GALNT9: variants seen among roughly 807,000 people sequenced by gnomAD.
GALNT9 encodes the protein polypeptide N-acetylgalactosaminyltransferase 9.
A neutral mutation model predicts 63.1 loss-of-function variants in GALNT9; 47 were observed. That is an observed-to-expected ratio of 0.75 (90% CI 0.59 to 0.95). GALNT9 has a LOEUF of 0.95. GALNT9 is among the 40% of genes least tolerant of loss of function. GALNT9 has a pLI of 0.00. For synonymous variants in GALNT9, 396 were observed against 365.7 expected, an observed-to-expected ratio of 1.08 and a Z score of -0.94; for missense variants, 829 against 874.8, an observed-to-expected ratio of 0.95 and a Z score of 0.66.
intron 4 of GALNT9, among the ~76,000 whole-genome samples, chr12:132,258,629 C>G (rs1879237087): frequency 6.6e-6 from 1 of 152,200 alleles, no homozygotes; most frequent in Non-Finnish European, 1.5e-5. Context: ...CGGGCGTGTG[C>G]CTAATGGGCC....
In GALNT9 at chr12:132,197,093, G is replaced by T; in HGVS notation, c.*14C>A. 6.2e-7 allele frequency: 1 copy of T among 1,613,360 alleles called. No individual in the cohort carries two copies. Among genetic ancestry groups the T allele is most frequent in the Non-Finnish European group, 8.5e-7 (1 of 1,179,564 alleles). On this transcript the variant is annotated 3_prime_UTR_variant, in exon 11 of 11. Coordinates refer to ENST00000328957, the MANE Select transcript of GALNT9 (RefSeq NM_001122636.2). Reference sequence around the variant, plus strand: ...GCCTTCCCGAGGTCTGTGGGGGTCCGGGCGGAGGTGGGGTCAGTGCCGTGC... The same window carrying T: ...GCCTTCCCGAGGTCTGTGGGGGTCCTGGCGGAGGTGGGGTCAGTGCCGTGC...
At chr12:132,201,399 C>CCCATCCGGCT in intron 7 of GALNT9, 138 bp from the exon 8 acceptor site, 1 of 568,404 alleles carries the variant, frequency 1.8e-6, no homozygotes, top group Non-Finnish European at 3.1e-6. Context: ...ATGCTGAGGC[C>CCCATCCGGCT]CCATCCAGTT....
At chr12:132,203,714 C>T (rs1283503682) in intron 6 of GALNT9, 24 bp from the exon 7 acceptor site, 2 of 1,604,122 alleles carry the variant, frequency 1.2e-6, no homozygotes, top group East Asian at 4.5e-5. Context: ...GCGCTGGGTG[C>T]CGGCGTCCTT....
At chr12:132,205,389 G>A (rs78705928) in intron 6 of GALNT9, 6,997 of 151,968 alleles carry the variant, frequency 0.046, 200 homozygotes, top group Middle Eastern at 0.096. Context: ...CCCACCGCAG[G>A]ACAGATCCAG....
rs1017902160 is a variant in GALNT9 at position 132,230,604 on chromosome 12, C to T, written c.1077+17306G>A. 2.1e-3 allele frequency among the ~76,000 whole-genome samples: 313 copies of T among 149,648 alleles called. 2 individuals are homozygous for T. The highest frequency in any genetic ancestry group is 7.4e-3 in the African/African-American group (289 of 39,010). ...AGGCCGCGCCACCTGGCCCTCGTGG[C>T]GGGGAAGTCCTCACGGAGTGGATGA... On this transcript the variant is annotated intron_variant, in intron 6 of 10. Transcript: ENST00000328957.
chr12:132,213,926 G>A (rs1444571304), intron 6 of GALNT9, among the ~76,000 whole-genome samples: 1 of 152,204 alleles, frequency 6.6e-6, no homozygotes, highest in East Asian at 1.9e-4. Context: ...TGGAGATGCA[G>A]GCCCAACCCC....
intron 1 of GALNT9, among the ~76,000 whole-genome samples, chr12:132,314,865 G>C (rs1868426342): frequency 6.6e-6 from 1 of 152,244 alleles, no homozygotes; most frequent in Non-Finnish European, 1.5e-5. Context: ...CCGTGCAGTG[G>C]AGTCGGGCTG....
At position 132,307,669 on chromosome 12, in the gene GALNT9, T is replaced by TAAAA. The variant is rs35267743; in HGVS notation, c.239-21243_239-21240dup. 7.0e-4 allele frequency among the ~76,000 whole-genome samples: 98 copies of TAAAA among 140,222 alleles called. 2 individuals are homozygous for TAAAA. The highest frequency in any genetic ancestry group is 3.1e-3 in the South Asian group (13 of 4,208). 92.0% of individuals were successfully genotyped at this position (140,222 alleles called of 152,430 possible). On this transcript the variant is annotated intron_variant, in intron 1 of 10. Coordinates refer to ENST00000328957, the MANE Select transcript of GALNT9 (RefSeq NM_001122636.2). ...CAACATGATGAAACCTCATCTCTAC[T>TAAAA]AAAAAAAAAAAAAAAATAGTTGGGT...
At chr12:132,303,165 G>C (rs1430021981) in intron 1 of GALNT9, among the ~76,000 whole-genome samples, 6 of 152,034 alleles carry the variant, frequency 3.9e-5, no homozygotes, top group Non-Finnish European at 8.8e-5. Context: ...CCTTCACCCG[G>C]TAGTCCCCGT....
intron 5 of GALNT9, among the ~76,000 whole-genome samples, chr12:132,254,361 A>T (rs572821727): frequency 2.0e-5 from 3 of 152,332 alleles, no homozygotes; most frequent in African/African-American, 7.2e-5. Flanking sequence ...TTTCAAGTGT[A>T]TGCAAAAGGA....
chr12:132,302,229 T>TACACACACACAC (rs56317485), intron 1 of GALNT9, among the ~76,000 whole-genome samples: 1,667 of 143,792 alleles, frequency 0.012, 24 homozygotes, highest in East Asian at 0.046. Flanking sequence ...TAGAAAATTC[T>TACACACACACAC]ACACACACAC....
intron 1 of GALNT9, among the ~76,000 whole-genome samples, chr12:132,322,766 C>T (rs1276663119): frequency 2.6e-5 from 4 of 152,316 alleles, no homozygotes; most frequent in African/African-American, 7.2e-5. Flanking sequence ...AGCCCAGGGC[C>T]GAGCTGCTTC....
rs115657527 is a variant in GALNT9 at position 132,286,223 on chromosome 12, G to A, written c.419+27C>T. The A allele has an allele frequency of 2.7e-3, 4,090 of 1,536,300 alleles. 91 individuals are homozygous for A. The African/African-American group carries it at 0.049, about 18-fold the overall frequency. The stretch of plus-strand genomic sequence containing the variant: ...GCGGTCACTTCCTCGGCGGGCGTCG[G>A]GGGATGGGGGGCAGTCACTCACTCA... On this transcript the variant is annotated intron_variant, in intron 2 of 10. Coordinates refer to ENST00000328957, the MANE Select transcript of GALNT9 (RefSeq NM_001122636.2). This position sits in a 1 kb window ranked among gnomAD's most constrained non-coding sequence, Gnocchi z 7.4.
rs1025808028 is a variant in GALNT9 at position 132,238,664 on chromosome 12, G to A, written c.1077+9246C>T. 2.0e-5 allele frequency among the ~76,000 whole-genome samples: 3 copies of A among 152,088 alleles called. No individual in the cohort carries two copies. Among genetic ancestry groups the A allele is most frequent in the South Asian group, 4.1e-4 (2 of 4,830 alleles). ...TGTGAGTCTCACATCCATCTGCTGC[G>A]TGGCCCTGGGCAGGTCACTCAGCCT... On this transcript the variant is annotated intron_variant, in intron 6 of 10. Coordinates refer to ENST00000328957, the MANE Select transcript of GALNT9 (RefSeq NM_001122636.2). This position sits in a 1 kb window ranked among gnomAD's most constrained non-coding sequence, Gnocchi z 6.5.
chr12:132,267,764 CA>C (rs1879664938), intron 2 of GALNT9, among the ~76,000 whole-genome samples: 30 of 133,970 alleles, frequency 2.2e-4, no homozygotes, highest in African/African-American at 1.1e-3. Context: ...CTCACACACA[CA>C]TGCACTCACA....
chr12:132,206,561 C>T (rs1876708561), intron 6 of GALNT9, among the ~76,000 whole-genome samples: 1 of 151,848 alleles, frequency 6.6e-6, no homozygotes, highest in Admixed American at 6.6e-5. Flanking sequence ...ACATGAGAAT[C>T]TCTTGAACCC....
At chr12:132,273,139 T>A (rs530800865) in intron 2 of GALNT9, 1 of 152,426 alleles carries the variant, frequency 6.6e-6, no homozygotes, top group Admixed American at 6.5e-5. Flanking sequence ...TTCTTTATTT[T>A]TGAGACAGAG....
chr12:132,203,830 C>A (rs932527409), intron 6 of GALNT9, 140 bp from the exon 7 acceptor site: 1 of 858,494 alleles, frequency 1.2e-6, no homozygotes, highest in Non-Finnish European at 1.7e-6. Context: ...TGGTGGGTCC[C>A]GGGGCTTTGC....
At position 132,196,798 on chromosome 12, in the gene GALNT9, G is replaced by T. The variant is rs1001798118; in HGVS notation, c.*309C>A. ...TGGGGCGTGGGGGGCTGTGGTACAT[G>T]CAGAGGCGGCGGCTGTCCCAGCAGC... On this transcript the variant is annotated 3_prime_UTR_variant, in exon 11 of 11. Coordinates refer to ENST00000328957, the MANE Select transcript of GALNT9 (RefSeq NM_001122636.2). 26 of 1,152,946 alleles carry T rather than the reference G, an allele frequency of 2.3e-5. No homozygotes were observed. The highest frequency in any genetic ancestry group is 4.4e-5 in the Admixed American group (1 of 22,762). 71.4% of individuals were successfully genotyped at this position (1,152,946 alleles called of 1,614,324 possible).
Sources: gnomAD v4.1 joint callset for allele counts (sites outside exome capture counted in the v4.1 genomes callset) on GRCh38, gnomAD v4.1.1 for gene constraint, Gnocchi (gnomAD v3.1) non-coding constraint, MANE v1.5 for transcripts, NCBI Gene and HGNC (gene_info 2026-07-23, HGNC 2026-07-21) for gene names.